The following UBE2W variants were observed in gnomAD, a reference collection of about 807,000 sequenced individuals.
UBE2W encodes the protein ubiquitin conjugating enzyme E2 W, also known as ubiquitin-conjugating enzyme E2 W.
In UBE2W, 18 loss-of-function variants were observed where a neutral mutation model predicts 27.2. The observed-to-expected ratio is 0.66, with a 90% CI of 0.46 to 0.98. UBE2W has a LOEUF of 0.98. Ranked by LOEUF, UBE2W falls within the 50% of genes least tolerant of loss-of-function variation. UBE2W has a pLI of 0.00. For synonymous variants in UBE2W, 53 were observed against 57.2 expected, an observed-to-expected ratio of 0.93 and a Z score of 0.33; for missense variants, 90 against 180.2, an observed-to-expected ratio of 0.50 and a Z score of 2.87.
chr8:73,808,949 A>C (rs1246237821), intron 4 of UBE2W, among the ~76,000 whole-genome samples: 1 of 152,226 alleles, frequency 6.6e-6, no homozygotes, highest in African/African-American at 2.4e-5. Flanking sequence ...AAAATCTAAT[A>C]ATCATGAGGC....
intron 1 of UBE2W, among the ~76,000 whole-genome samples, chr8:73,838,963 A>G (rs1171065509): frequency 6.6e-6 from 1 of 152,150 alleles, no homozygotes; most frequent in Non-Finnish European, 1.5e-5. Context: ...TCTAGGGGGT[A>G]TTTGGACCCA....
intron 5 of UBE2W, among the ~76,000 whole-genome samples, chr8:73,801,352 C>T (rs1808634630): frequency 6.6e-6 from 1 of 152,048 alleles, no homozygotes; most frequent in Admixed American, 6.6e-5. Flanking sequence ...AATAGGAATA[C>T]CCTCTAATAA....
At chr8:73,801,600 A>T (rs1240141103) in intron 5 of UBE2W, among the ~76,000 whole-genome samples, 1 of 152,216 alleles carries the variant, frequency 6.6e-6, no homozygotes, top group Non-Finnish European at 1.5e-5. Context: ...CAATATTCCT[A>T]ATTGGCTAAT....
downstream of UBE2W, among the ~76,000 whole-genome samples, chr8:73,783,251 TTC>T (rs1807874538): frequency 6.6e-6 from 1 of 152,238 alleles, no homozygotes; most frequent in South Asian, 2.1e-4. Flanking sequence ...GTCCAACTCA[TTC>T]TTTTAGAATT....
intron 5 of UBE2W, among the ~76,000 whole-genome samples, chr8:73,802,973 G>A (rs554934489): frequency 5.9e-5 from 9 of 152,184 alleles, no homozygotes; most frequent in African/African-American, 1.4e-4. Flanking sequence ...GCAGTGAGCC[G>A]AAGTTGCGAA....
intron 4 of UBE2W, among the ~76,000 whole-genome samples, chr8:73,806,135 C>T (rs903434302): frequency 7.3e-5 from 11 of 151,676 alleles, no homozygotes; most frequent in African/African-American, 2.4e-4. Flanking sequence ...AGCCTGACAA[C>T]AGAGCGAGAC....
At chr8:73,876,769 G>T (rs757710464) in intron 1 of UBE2W, among the ~76,000 whole-genome samples, 1 of 152,170 alleles carries the variant, frequency 6.6e-6, no homozygotes. Context: ...GGGAGTTCAA[G>T]ACCAGCCTGA....
At chr8:73,869,758 G>A (rs1278485820) in intron 1 of UBE2W, among the ~76,000 whole-genome samples, 2 of 152,002 alleles carry the variant, frequency 1.3e-5, no homozygotes, top group African/African-American at 2.4e-5. Context: ...CAGCTATTAC[G>A]GAGGCTGAGG....
At chr8:73,796,084 A>AAAAG (rs55682432) in intron 5 of UBE2W, among the ~76,000 whole-genome samples, 11 of 138,210 alleles carry the variant, frequency 8.0e-5, no homozygotes, top group African/African-American at 2.7e-4. Context: ...AAAAAAAAAA[A>AAAAG]GGGGGATGTT....
Position 73,792,399 on chromosome 8 carries a change from C to T in UBE2W, c.*1703G>A. On this transcript the variant is annotated 3_prime_UTR_variant, in exon 6 of 6. Coordinates refer to ENST00000602593, the MANE Select transcript of UBE2W (RefSeq NM_018299.6). ...AGCAGACATATTTTTGAAGTCTACC[C>T]ACCCCTGAGTTCAGCAATTATACTT... The T allele has an allele frequency of 1.0e-6, 1 of 985,334 alleles. No individual in the cohort carries two copies. The highest frequency in any genetic ancestry group is 1.2e-6 in the Non-Finnish European group (1 of 829,710). The allele number at this position is 985,334 out of a possible 1,614,324, so 61.0% of individuals were successfully genotyped here. A position where few individuals can be genotyped will look rare whatever the true frequency, so the allele number is the denominator to read the frequency against.
At position 73,787,766 on chromosome 8, in the gene UBE2W, G is replaced by GA. The variant is rs1187541649; in HGVS notation, c.*6335_*6336insT. ...TGTATACTCCAGAAAGCATCCAGAA[G>GA]TTCTTAGAGTATGCCCTTAATTGTA... is the stretch of plus-strand genomic sequence containing the variant. On this transcript the variant is annotated 3_prime_UTR_variant, in exon 6 of 6. Coordinates refer to ENST00000602593, the MANE Select transcript of UBE2W (RefSeq NM_018299.6). 1 of 985,290 alleles carries GA rather than the reference G, an allele frequency of 1.0e-6. No individual in the cohort carries two copies. The highest frequency in any genetic ancestry group is 1.2e-6 in the Non-Finnish European group (1 of 829,940). The allele number at this position is 985,290 out of a possible 1,614,324, so 61.0% of individuals were successfully genotyped here. A position where few individuals can be genotyped will look rare whatever the true frequency, so the allele number is the denominator to read the frequency against.
chr8:73,782,263 T>A (rs1434534333), downstream of UBE2W, among the ~76,000 whole-genome samples: 4 of 152,160 alleles, frequency 2.6e-5, no homozygotes, highest in South Asian at 2.1e-4. Context: ...GTTTTTTTTT[T>A]AATTGAGGTA....
intron 1 of UBE2W, among the ~76,000 whole-genome samples, chr8:73,858,581 T>G (rs1811400947): frequency 6.6e-6 from 1 of 151,234 alleles, no homozygotes; most frequent in Admixed American, 6.6e-5. Context: ...CTGTTGCCAG[T>G]TCATGAAGAT....
At chr8:73,830,303 T>C (rs535187405) in intron 2 of UBE2W, 78 bp downstream of exon 2, 5 of 1,013,926 alleles carry the variant, frequency 4.9e-6, no homozygotes, top group Non-Finnish European at 7.6e-6. Flanking sequence ...AAAATAATTT[T>C]GTAGTTTTAA....
intron 1 of UBE2W, among the ~76,000 whole-genome samples, chr8:73,853,686 A>T (rs1445212291): frequency 6.6e-6 from 1 of 152,238 alleles, no homozygotes; most frequent in Non-Finnish European, 1.5e-5. Context: ...ATTGTTATTG[A>T]AAGAACACAA....
chr8:73,825,393 A>C, intron 2 of UBE2W, 144 bp from the exon 3 acceptor site: 1 of 558,226 alleles, frequency 1.8e-6, no homozygotes, highest in Non-Finnish European at 3.2e-6. Flanking sequence ...CCTCCCAATA[A>C]CTCTCTTACT....
intron 2 of UBE2W, among the ~76,000 whole-genome samples, chr8:73,826,739 T>C (rs900334632): frequency 2.0e-5 from 3 of 152,210 alleles, no homozygotes; most frequent in African/African-American, 4.8e-5. Flanking sequence ...TCTTAACTCA[T>C]TGTGTGAACA....
At chr8:73,810,741 T>C in intron 3 of UBE2W, 112 bp from the exon 4 acceptor site, 1 of 786,456 alleles carries the variant, frequency 1.3e-6, no homozygotes, top group East Asian at 3.2e-5. Context: ...ACCACCAAAA[T>C]CAGTGCCAGG....
chr8:73,869,778 C>G (rs1270552186), intron 1 of UBE2W, among the ~76,000 whole-genome samples: 1 of 152,116 alleles, frequency 6.6e-6, no homozygotes, highest in Non-Finnish European at 1.5e-5. Flanking sequence ...GCAGGAGGAT[C>G]ACTTGAACCC....
Sources: gnomAD v4.1 joint callset for allele counts (sites outside exome capture counted in the v4.1 genomes callset) on GRCh38, gnomAD v4.1.1 for gene constraint, MANE v1.5 for transcripts, NCBI Gene and HGNC (gene_info 2026-07-23, HGNC 2026-07-21) for gene names.